Variants in FOXK2 observed in about 807,000 individuals in gnomAD.
FOXK2 encodes the protein forkhead box K2, also known as forkhead box protein K2.
Under a neutral mutation model 53.3 loss-of-function variants are expected in FOXK2, and 24 were observed. The observed-to-expected ratio is 0.45, with a 90% CI of 0.33 to 0.63. FOXK2 has a LOEUF of 0.63. FOXK2 is among the 30% of genes least tolerant of loss of function. The pLI is 0.03. For synonymous variants in FOXK2, 505 were observed against 407.1 expected (o/e 1.24, Z -2.89); for missense variants, 952 against 910.5 (o/e 1.05, Z -0.59).
intron 1 of FOXK2, among the ~76,000 whole-genome samples, chr17:82,520,819 T>A (rs2044354000): frequency 6.6e-6 from 1 of 152,154 alleles, no homozygotes; most frequent in Non-Finnish European, 1.5e-5. Context: ...GAAGGACTCC[T>A]TTTTCCCTGC....
In FOXK2 at chr17:82,552,709, G is replaced by A. The variant is rs897383715; in HGVS notation, c.420-10645G>A. 3.9e-5 allele frequency among the ~76,000 whole-genome samples: 6 copies of A among 152,272 alleles called. No homozygotes were observed. In the East Asian group the frequency reaches 5.8e-4, roughly 15 times the overall value. ...TGTGTCCTCTCAGGGCACCATGGCC[G>A]TGTTACCCTGGTGTCGTTTTGTGCC... is the stretch of plus-strand genomic sequence containing the variant. On this transcript the variant is annotated intron_variant, in intron 1 of 8. Coordinates refer to ENST00000335255, the MANE Select transcript of FOXK2 (RefSeq NM_004514.4).
At chr17:82,540,813 A>T (rs909830148) in intron 1 of FOXK2, among the ~76,000 whole-genome samples, 2 of 152,208 alleles carry the variant, frequency 1.3e-5, no homozygotes, top group Non-Finnish European at 2.9e-5. Flanking sequence ...TTGACAGCTG[A>T]GGTCCCATAT....
intron 3 of FOXK2, among the ~76,000 whole-genome samples, chr17:82,569,950 A>G (rs147539643): frequency 0.19 from 28,118 of 150,988 alleles, 2,952 homozygotes; most frequent in Non-Finnish European, 0.24. Context: ...GGCTGGGCGC[A>G]GTGGCTCACG....
chr17:82,532,034 G>A (rs1340799861), intron 1 of FOXK2, among the ~76,000 whole-genome samples: 2 of 151,976 alleles, frequency 1.3e-5, no homozygotes, highest in African/African-American at 2.4e-5. Context: ...TATTTTAGTA[G>A]AGATGGGGTT....
intron 1 of FOXK2, among the ~76,000 whole-genome samples, chr17:82,536,494 A>G (rs72861035): frequency 0.15 from 23,490 of 152,156 alleles, 2,221 homozygotes; most frequent in East Asian, 0.33. Flanking sequence ...ATTGCAGACT[A>G]TCTTCCTTCG....
intron 8 of FOXK2, chr17:82,600,454 T>G (rs1024976835): frequency 6.6e-6 from 1 of 152,306 alleles, no homozygotes; most frequent in Admixed American, 6.5e-5. Context: ...CTTTTCTTAG[T>G]CCTTCACCTG....
intron 4 of FOXK2, chr17:82,577,370 C>CT (rs2045000711): frequency 3.4e-6 from 2 of 594,764 alleles, no homozygotes; most frequent in East Asian, 6.5e-5. Context: ...CAGCACAAAG[C>CT]TCTCTTCTTC....
At chr17:82,590,045 C>CAA (rs776727486) in intron 8 of FOXK2, among the ~76,000 whole-genome samples, 8 of 131,910 alleles carry the variant, frequency 6.1e-5, no homozygotes, top group Admixed American at 7.7e-5. Flanking sequence ...GACTCCATCT[C>CAA]AAAAAAAAAA....
intron 1 of FOXK2, among the ~76,000 whole-genome samples, chr17:82,527,354 C>T (rs1379409482): frequency 2.0e-4 from 31 of 152,024 alleles, no homozygotes; most frequent in Non-Finnish European, 2.9e-5. Context: ...TTTGGCTGGG[C>T]CCGGTGGCTC....
intron 1 of FOXK2, among the ~76,000 whole-genome samples, chr17:82,549,801 TGCCTGAGGACATCC>T (rs1205998682): frequency 2.0e-5 from 3 of 152,256 alleles, no homozygotes; most frequent in African/African-American, 7.2e-5. Context: ...GAAGCGGATC[TGCCTGAGGACATCC>T]GCCATTTCCT....
Position 82,587,245 on chromosome 17 carries a change from A to C in FOXK2, c.1759A>C (p.Thr587Pro). The C allele has an allele frequency of 6.2e-7, 1 of 1,612,924 alleles. No individual in the cohort carries two copies. The highest frequency in any genetic ancestry group is 8.5e-7 in the Non-Finnish European group (1 of 1,179,910). The change falls in exon 8 of 9, where the codon ACT (threonine) becomes CCT (proline). Residue 587 changes from threonine (T) to proline (P), a missense_variant. This residue lies in a region of FOXK2 where 551 missense variants were observed against 385.1 expected (regional missense o/e 1.43). Transcript: ENST00000335255. ...QNGTHVASVP[T>P]AVHGQVNNAA... The stretch of plus-strand genomic sequence containing the variant: ...CGGCACTCACGTGGCATCAGTCCCC[A>C]CTGCGGTCCACGGCCAGGTGAACAA...
intron 8 of FOXK2, chr17:82,595,725 C>T (rs1045093502): frequency 1.6e-6 from 2 of 1,263,628 alleles, no homozygotes. Flanking sequence ...ATTCCCTGGG[C>T]CCTAAAAGTG....
intron 8 of FOXK2, among the ~76,000 whole-genome samples, chr17:82,589,605 C>A (rs1325955427): frequency 6.6e-6 from 1 of 151,332 alleles, no homozygotes. Flanking sequence ...TGTTTCCACT[C>A]AGGAAGGAGA....
intron 3 of FOXK2, among the ~76,000 whole-genome samples, 183 bp downstream of exon 3, chr17:82,568,384 T>C (rs1283078993): frequency 6.6e-6 from 1 of 152,234 alleles, no homozygotes; most frequent in Non-Finnish European, 1.5e-5. Flanking sequence ...TTTGCAAGTG[T>C]ACTCGTTTAG....
intron 3 of FOXK2, among the ~76,000 whole-genome samples, chr17:82,568,486 T>G (rs2044877220): frequency 6.6e-6 from 1 of 152,194 alleles, no homozygotes; most frequent in South Asian, 2.1e-4. Context: ...AGTACCTTGG[T>G]CTTTGTGGAG....
At position 82,601,760 on chromosome 17, in the gene FOXK2, T is replaced by G. The variant is rs1260730278; in HGVS notation, c.*261T>G. 2.6e-6 allele frequency: 1 copy of G among 386,890 alleles called. No homozygotes were observed. Among genetic ancestry groups the G allele is most frequent in the African/African-American group, 2.1e-5 (1 of 47,980 alleles). The allele number at this position is 386,890 out of a possible 1,614,324, so 24.0% of individuals were successfully genotyped here. A position where few individuals can be genotyped will look rare whatever the true frequency, so the allele number is the denominator to read the frequency against. The stretch of plus-strand genomic sequence containing the variant: ...CTGAGCTTCTACCTACGAGTGAAAC[T>G]CTGTCCTCCCGCGAGGACCAGGCAT... On this transcript the variant is annotated 3_prime_UTR_variant, in exon 9 of 9. Coordinates refer to ENST00000335255, the MANE Select transcript of FOXK2 (RefSeq NM_004514.4).
intron 1 of FOXK2, among the ~76,000 whole-genome samples, chr17:82,524,986 T>A (rs1326482549): frequency 1.3e-5 from 2 of 151,120 alleles, no homozygotes; most frequent in African/African-American, 4.9e-5. Flanking sequence ...GTGGCTTTTT[T>A]TTTTTTTTTA....
rs1443721839 is a variant in FOXK2 at position 82,602,969 on chromosome 17, G to A, written c.*1470G>A. 6.6e-6 allele frequency: 1 copy of A among 152,610 alleles called. No individual in the cohort carries two copies. The highest frequency in any genetic ancestry group is 1.5e-5 in the Non-Finnish European group (1 of 68,034). The allele number at this position is 152,610 out of a possible 1,614,324, so 9.5% of individuals were successfully genotyped here. A position where few individuals can be genotyped will look rare whatever the true frequency, so the allele number is the denominator to read the frequency against. ...TATTTTCCTGGTGGGATGAAATAGG[G>A]ATGAAATGGCTCAGAATGGTATATT... On this transcript the variant is annotated 3_prime_UTR_variant, in exon 9 of 9. Transcript: ENST00000335255.
chr17:82,586,815 C>G (rs941464540), intron 7 of FOXK2, among the ~76,000 whole-genome samples: 13 of 152,074 alleles, frequency 8.5e-5, no homozygotes, highest in Admixed American at 6.5e-4. Flanking sequence ...GCGGGAGAAT[C>G]ACTTGAACCC....
Sources: gnomAD v4.1 joint callset for allele counts (sites outside exome capture counted in the v4.1 genomes callset) on GRCh38, gnomAD v4.1.1 for gene constraint, gnomAD v4.1.1 regional missense constraint, MANE v1.5 for transcripts, NCBI Gene and HGNC (gene_info 2026-07-23, HGNC 2026-07-21) for gene names.